The following CALD1 variants were observed in gnomAD, a reference collection of about 807,000 sequenced individuals.
CALD1 encodes caldesmon.
A neutral mutation model predicts 99.9 loss-of-function variants in CALD1; 33 were observed. The ratio of observed to expected loss-of-function variants is 0.33; its 90% CI spans 0.25 to 0.44. The LOEUF (loss-of-function observed/expected upper bound fraction) is 0.44, where lower values mean the gene tolerates loss of function less well. Ranked by LOEUF, CALD1 falls within the 20% of genes least tolerant of loss-of-function variation. CALD1 has a pLI of 1.00. For synonymous variants in CALD1, 310 were observed against 325.0 expected, an observed-to-expected ratio of 0.95 and a Z score of 0.50; for missense variants, 861 against 962.1, an observed-to-expected ratio of 0.89 and a Z score of 1.39.
At chr7:134,743,994 T>C (rs1796612263), upstream of CALD1, among the ~76,000 whole-genome samples, 1 of 152,186 alleles carries the variant, frequency 6.6e-6, no homozygotes, top group South Asian at 2.1e-4. Context: ...ATTAGTTGTT[T>C]GTGATCATTT....
chr7:134,730,843 A>T, the CALD1 span, among the ~76,000 whole-genome samples: 80,758 of 151,784 alleles, frequency 0.53, 22,840 homozygotes, highest in East Asian at 0.82. Context: ...AGGGGGAGAC[A>T]TCCAGCTTTA....
chr7:134,764,467 C>T (rs10954469), intron 1 of CALD1, among the ~76,000 whole-genome samples: 63,477 of 151,986 alleles, frequency 0.42, 14,261 homozygotes, highest in East Asian at 0.73. Flanking sequence ...CCTTGTTCAC[C>T]ACAATGGCAT....
chr7:134,888,331 A>G (rs1801978362), intron 3 of CALD1, among the ~76,000 whole-genome samples: 2 of 152,216 alleles, frequency 1.3e-5, no homozygotes, highest in South Asian at 4.1e-4. Context: ...TCATGGTGCC[A>G]ATGAATAGTC....
upstream of CALD1, among the ~76,000 whole-genome samples, chr7:134,740,953 T>C (rs1349651881): frequency 6.6e-6 from 1 of 152,236 alleles, no homozygotes; most frequent in Admixed American, 6.5e-5. Flanking sequence ...ACAGCAATTC[T>C]ATGAAATTAT....
At chr7:134,891,839 C>A (rs940669646) in intron 3 of CALD1, among the ~76,000 whole-genome samples, 1 of 150,580 alleles carries the variant, frequency 6.6e-6, no homozygotes, top group Non-Finnish European at 1.5e-5. Context: ...GAGTTTCAGA[C>A]CTGTCTGAAA....
Position 134,920,560 on chromosome 7 carries a change from A to G in CALD1, c.72-8194A>G. The G allele has an allele frequency of 8.6e-6, 11 of 1,274,046 alleles. No homozygotes were observed. In the South Asian group the frequency reaches 1.3e-4, roughly 15 times the overall value. The allele number at this position is 1,274,046 out of a possible 1,614,324, so 78.9% of individuals were successfully genotyped here. On this transcript the variant is annotated intron_variant, in intron 3 of 14. Coordinates refer to ENST00000361675, the MANE Select transcript of CALD1 (RefSeq NM_033138.4). The stretch of plus-strand genomic sequence containing the variant: ...AGTGTATTGCTGCAGAAAGCTGGGG[A>G]CAGAATAGTGTTCTGGATTGAGTAT...
chr7:134,800,602 C>T (rs1045726486), intron 1 of CALD1, among the ~76,000 whole-genome samples: 1 of 151,676 alleles, frequency 6.6e-6, no homozygotes, highest in Non-Finnish European at 1.5e-5. Context: ...ATATTTCTGT[C>T]TAATTATCTT....
At chr7:134,774,204 A>G (rs993041559) in intron 1 of CALD1, among the ~76,000 whole-genome samples, 8 of 151,784 alleles carry the variant, frequency 5.3e-5, no homozygotes, top group Non-Finnish European at 1.2e-4. Flanking sequence ...TAAGTAGCCA[A>G]TTGGAAGTTG....
chr7:134,940,374 C>A (rs1806335028), intron 6 of CALD1, among the ~76,000 whole-genome samples: 1 of 152,186 alleles, frequency 6.6e-6, no homozygotes, highest in South Asian at 2.1e-4. Context: ...ATGTCTCCCA[C>A]CACAACCACA....
intron 3 of CALD1, among the ~76,000 whole-genome samples, chr7:134,900,266 T>C (rs1802893717): frequency 6.6e-6 from 1 of 152,180 alleles, no homozygotes; most frequent in African/African-American, 2.4e-5. Context: ...TTTTAGCTGA[T>C]TTCATGACTG....
At chr7:134,964,173 G>A (rs1808493961) in intron 13 of CALD1, among the ~76,000 whole-genome samples, 1 of 152,182 alleles carries the variant, frequency 6.6e-6, no homozygotes, top group Admixed American at 6.5e-5. Context: ...CTCCAGCCTG[G>A]GCGACAGAGC....
intron 1 of CALD1, among the ~76,000 whole-genome samples, chr7:134,769,322 T>C (rs1015796339): frequency 6.6e-6 from 1 of 152,178 alleles, no homozygotes; most frequent in South Asian, 2.1e-4. Context: ...AGTCACTAGA[T>C]ATTGTCAAAT....
chr7:134,792,309 G>A (rs896370842), intron 1 of CALD1, among the ~76,000 whole-genome samples: 3 of 125,928 alleles, frequency 2.4e-5, no homozygotes, highest in Non-Finnish European at 4.9e-5. Context: ...TTTTTTTTGA[G>A]ATGGAGTTTC....
At chr7:134,936,587 A>G (rs1267285949) in intron 6 of CALD1, among the ~76,000 whole-genome samples, 2 of 152,258 alleles carry the variant, frequency 1.3e-5, no homozygotes, top group African/African-American at 2.4e-5. Context: ...TGTAGCCAAC[A>G]TGCTCCAACC....
At chr7:134,823,407 G>A (rs1303087108) in intron 1 of CALD1, among the ~76,000 whole-genome samples, 1 of 152,124 alleles carries the variant, frequency 6.6e-6, no homozygotes, top group Non-Finnish European at 1.5e-5. Flanking sequence ...TTTTTATCCA[G>A]ATAGCTTCAG....
intron 1 of CALD1, among the ~76,000 whole-genome samples, chr7:134,785,294 A>T (rs1057204176): frequency 1.3e-5 from 2 of 152,238 alleles, no homozygotes; most frequent in Admixed American, 1.3e-4. Context: ...GATAAGAATC[A>T]TCCATCTCAG....
chr7:134,871,131 T>G (rs1332215673), intron 3 of CALD1, among the ~76,000 whole-genome samples: 2 of 152,166 alleles, frequency 1.3e-5, no homozygotes, highest in African/African-American at 4.8e-5. Context: ...GGGGTATTGG[T>G]GGTCACTTTA....
At chr7:134,957,415 G>A (rs897298626) in intron 9 of CALD1, among the ~76,000 whole-genome samples, 1 of 140,486 alleles carries the variant, frequency 7.1e-6, no homozygotes, top group Non-Finnish European at 1.6e-5. Flanking sequence ...GTTTGTTGTT[G>A]TTGCATTTTG....
At chr7:134,941,367 C>G (rs1322036593) in intron 7 of CALD1, 130 bp downstream of exon 7, 2 of 688,344 alleles carry the variant, frequency 2.9e-6, no homozygotes, top group Non-Finnish European at 4.8e-6. Context: ...GTTGTGAGGT[C>G]ATTAGCCATT....
Sources: allele counts gnomAD v4.1 joint callset (sites outside exome capture counted in the v4.1 genomes callset), GRCh38; gene constraint gnomAD v4.1.1; transcripts MANE v1.5; gene names NCBI Gene and HGNC (gene_info 2026-07-23, HGNC 2026-07-21).